Variants in PTPRT observed in about 807,000 individuals in gnomAD.
The protein encoded by PTPRT is protein tyrosine phosphatase receptor type T.
PTPRT carries 56 observed loss-of-function variants against 176.8 expected under a neutral mutation model. That is an observed-to-expected ratio of 0.32 (90% confidence interval 0.26 to 0.40). The LOEUF (loss-of-function observed/expected upper bound fraction) is 0.40. Ranked by LOEUF, PTPRT falls within the 10% of genes least tolerant of loss-of-function variation. The pLI is 1.00. For missense variants in PTPRT, 1,540 were observed against 1,908.2 expected (o/e 0.81, Z 3.60); for synonymous variants, 783 against 739.0 (o/e 1.06, Z -0.96).
At chr20:42,169,509 A>G (rs750282339) in intron 16 of PTPRT, among the ~76,000 whole-genome samples, 1 of 152,228 alleles carries the variant, frequency 6.6e-6, no homozygotes, top group Non-Finnish European at 1.5e-5. Flanking sequence ...TAGCAGCATC[A>G]CACATGCCAG....
intron 27 of PTPRT, among the ~76,000 whole-genome samples, chr20:42,097,190 TGCCAACCAA>T (rs1985352652): frequency 6.6e-6 from 1 of 152,250 alleles, no homozygotes; most frequent in South Asian, 2.1e-4. Flanking sequence ...CTTGCTATGC[TGCCAACCAA>T]GACCCAAGCT....
chr20:43,189,647 T>C lies in PTPRT; in HGVS notation c.87A>G (p.Ala29=), dbSNP rs1353225145. ...GGGGAGCCGGGCGGGCGCACTCACCTGCGGCGCTCTGAGCCCGGGCGCCGG... is the reference window on the plus strand; with the variant it reads ...GGGGAGCCGGGCGGGCGCACTCACCCGCGGCGCTCTGAGCCCGGGCGCCGG... ...PLPGARAQSA[A]GGCSFDEHYS... The change falls in exon 1 of 31, where the codon GCA becomes GCG. Residue 29 remains alanine (A), a splice_region_variant and synonymous_variant. Transcript: ENST00000373187. This position sits in a 1 kb window ranked among gnomAD's most constrained non-coding sequence, Gnocchi z 5.0. The C allele has an allele frequency of 7.7e-7, 1 of 1,297,678 alleles. No homozygotes were observed. The highest frequency in any genetic ancestry group is 9.8e-7 in the Non-Finnish European group (1 of 1,024,294). The allele number at this position is 1,297,678 out of a possible 1,614,324, so 80.4% of individuals were successfully genotyped here.
At chr20:42,636,883 T>C (rs2074613590) in intron 7 of PTPRT, among the ~76,000 whole-genome samples, 1 of 151,578 alleles carries the variant, frequency 6.6e-6, no homozygotes, top group South Asian at 2.1e-4. Context: ...GTGGATCTGA[T>C]GGCTTTTGAA....
intron 7 of PTPRT, among the ~76,000 whole-genome samples, chr20:42,663,644 T>C (rs1213999643): frequency 1.3e-5 from 2 of 152,198 alleles, no homozygotes; most frequent in Non-Finnish European, 2.9e-5. Context: ...TAGATTTCAC[T>C]GGTAAACTGG....
intron 15 of PTPRT, among the ~76,000 whole-genome samples, chr20:42,224,556 C>T (rs1329430082): frequency 1.3e-5 from 2 of 152,226 alleles, no homozygotes; most frequent in African/African-American, 4.8e-5. Context: ...CAGGCTAATG[C>T]TTCACGATGC....
At chr20:43,187,192 T>C (rs1476718013) in intron 1 of PTPRT, among the ~76,000 whole-genome samples, 2 of 152,220 alleles carry the variant, frequency 1.3e-5, no homozygotes, top group African/African-American at 4.8e-5. Flanking sequence ...CCAACTATGT[T>C]ATGGATGTAA....
At chr20:42,639,081 G>A (rs577188850) in intron 7 of PTPRT, among the ~76,000 whole-genome samples, 96 of 151,594 alleles carry the variant, frequency 6.3e-4, no homozygotes, top group African/African-American at 2.2e-3. Context: ...TCCAATAGAA[G>A]GACAAGTTGA....
the PTPRT span, among the ~76,000 whole-genome samples, chr20:42,049,644 T>A: frequency 6.6e-6 from 1 of 152,200 alleles, no homozygotes; most frequent in Non-Finnish European, 1.5e-5. Flanking sequence ...CTTGGGGAGC[T>A]TACTGAAAAT....
chr20:42,473,174 G>C (rs2071229167), intron 7 of PTPRT, among the ~76,000 whole-genome samples: 1 of 152,030 alleles, frequency 6.6e-6, no homozygotes, highest in Non-Finnish European at 1.5e-5. Flanking sequence ...TCCTACAACA[G>C]TCTTCCATCC....
intron 5 of PTPRT, among the ~76,000 whole-genome samples, chr20:42,764,314 G>A (rs1335005609): frequency 6.6e-6 from 1 of 152,148 alleles, no homozygotes; most frequent in Admixed American, 6.5e-5. Context: ...AATGTGGCTA[G>A]GAAGGGGATA....
intron 16 of PTPRT, among the ~76,000 whole-genome samples, chr20:42,172,377 AGTT>A (rs1241428731): frequency 6.6e-6 from 1 of 152,180 alleles, no homozygotes; most frequent in African/African-American, 2.4e-5. Flanking sequence ...GCCACTTCAC[AGTT>A]GTTAGAGACT....
intron 15 of PTPRT, among the ~76,000 whole-genome samples, chr20:42,214,329 C>T (rs953804216): frequency 5.3e-5 from 8 of 152,104 alleles, no homozygotes; most frequent in African/African-American, 1.2e-4. Flanking sequence ...TAGACAGCTG[C>T]GGCCAGAAAA....
chr20:42,992,439 C>A (rs6016933), intron 1 of PTPRT, among the ~76,000 whole-genome samples: 4,484 of 152,252 alleles, frequency 0.029, 203 homozygotes, highest in African/African-American at 0.099. Context: ...TCTATTGGGC[C>A]AGTAAGCTGG....
At chr20:42,977,389 G>A (rs1173592298) in intron 1 of PTPRT, among the ~76,000 whole-genome samples, 1 of 151,916 alleles carries the variant, frequency 6.6e-6, no homozygotes, top group Non-Finnish European at 1.5e-5. Context: ...AAAACTTTTT[G>A]ATTCTTTACC....
intron 7 of PTPRT, among the ~76,000 whole-genome samples, chr20:42,517,807 T>C (rs1234156104): frequency 6.6e-6 from 1 of 152,012 alleles, no homozygotes; most frequent in Non-Finnish European, 1.5e-5. Flanking sequence ...TACTTTTTAT[T>C]GATTTTATGT....
At chr20:42,526,178 A>G (rs1432966932) in intron 7 of PTPRT, among the ~76,000 whole-genome samples, 2 of 152,132 alleles carry the variant, frequency 1.3e-5, no homozygotes, top group Non-Finnish European at 2.9e-5. Flanking sequence ...TTTAGGTTTA[A>G]GACTCTCTTA....
At chr20:42,970,363 C>A (rs1484759359) in intron 1 of PTPRT, among the ~76,000 whole-genome samples, 18 of 152,134 alleles carry the variant, frequency 1.2e-4, no homozygotes, top group Non-Finnish European at 1.6e-4. Context: ...CAATGAGAAG[C>A]AAACAAAGAC....
At chr20:43,116,787 A>T (rs1238077092) in intron 1 of PTPRT, among the ~76,000 whole-genome samples, 3 of 152,256 alleles carry the variant, frequency 2.0e-5, no homozygotes, top group African/African-American at 7.2e-5. Flanking sequence ...CATTTGCAAC[A>T]GGTGCACAGG....
At position 42,079,349 on chromosome 20, in the gene PTPRT, T is replaced by G. The variant is rs1568903497; in HGVS notation, c.*1530A>C. ...TCCCTCCATAAAATAATTGCTTGGCTTAGAGAAGATGAAGAAAACAGCACG... is the reference window on the plus strand; with the variant it reads ...TCCCTCCATAAAATAATTGCTTGGCGTAGAGAAGATGAAGAAAACAGCACG... On this transcript the variant is annotated 3_prime_UTR_variant, in exon 31 of 31. Transcript: ENST00000373187. 4.8e-6 allele frequency: 1 copy of G among 206,806 alleles called. No homozygotes were observed. The highest frequency in any genetic ancestry group is 2.3e-5 in the African/African-American group (1 of 43,776). 12.8% of individuals were successfully genotyped at this position (206,806 alleles called of 1,614,324 possible). A position where few individuals can be genotyped will look rare whatever the true frequency, so the allele number is the denominator to read the frequency against.
Sources: gnomAD v4.1 joint callset for allele counts (sites outside exome capture counted in the v4.1 genomes callset) on GRCh38, gnomAD v4.1.1 for gene constraint, Gnocchi (gnomAD v3.1) non-coding constraint, MANE v1.5 for transcripts, NCBI Gene and HGNC (gene_info 2026-07-23, HGNC 2026-07-21) for gene names.